CYTH3: variants seen among roughly 807,000 people sequenced by gnomAD.
CYTH3 encodes cytohesin-3.
Under a neutral mutation model 55.1 loss-of-function variants are expected in CYTH3, and 23 were observed. That is an observed-to-expected ratio of 0.42 (90% CI 0.30 to 0.59). The LOEUF is 0.59. Among genes scored for constraint, CYTH3 ranks in the 20% least tolerant of loss-of-function variants. CYTH3 has a pLI of 0.20. For synonymous variants in CYTH3, 249 were observed against 194.9 expected, an observed-to-expected ratio of 1.28 and a Z score of -2.31; for missense variants, 413 against 524.8, an observed-to-expected ratio of 0.79 and a Z score of 2.08.
At chr7:6,207,219 C>T (rs759906422) in intron 1 of CYTH3, among the ~76,000 whole-genome samples, 6 of 151,254 alleles carry the variant, frequency 4.0e-5, no homozygotes, top group South Asian at 2.1e-4. Flanking sequence ...CTCAGCCTCC[C>T]GAGTACCTGG....
At chr7:6,189,556 G>A (rs113238507) in intron 2 of CYTH3, among the ~76,000 whole-genome samples, 128 of 152,048 alleles carry the variant, frequency 8.4e-4, no homozygotes, top group African/African-American at 2.8e-3. Flanking sequence ...AGATCCTCCT[G>A]CCTTGGCCTC....
At chr7:6,183,436 C>T (rs1018639946) in intron 4 of CYTH3, among the ~76,000 whole-genome samples, 1 of 152,184 alleles carries the variant, frequency 6.6e-6, no homozygotes, top group Admixed American at 6.5e-5. Flanking sequence ...AAAGGAGAGG[C>T]TGCAGAGTGT....
intron 1 of CYTH3, among the ~76,000 whole-genome samples, chr7:6,254,747 C>T (rs568720436): frequency 2.0e-5 from 3 of 152,224 alleles, no homozygotes; most frequent in African/African-American, 4.8e-5. Context: ...ATCGCACCTG[C>T]CCATGTTTGT....
At chr7:6,165,984 C>A (rs1562872836) in intron 9 of CYTH3, among the ~76,000 whole-genome samples, 174 bp from the exon 10 acceptor site, 2 of 152,162 alleles carry the variant, frequency 1.3e-5, no homozygotes, top group Non-Finnish European at 2.9e-5. Flanking sequence ...TGCACCCACC[C>A]CGCCCACACC....
At chr7:6,219,418 G>A (rs1256640314) in intron 1 of CYTH3, among the ~76,000 whole-genome samples, 2 of 152,184 alleles carry the variant, frequency 1.3e-5, no homozygotes, top group African/African-American at 4.8e-5. Flanking sequence ...GAGCCTGCAT[G>A]GATTGCAAAA....
chr7:6,190,974 G>T (rs1783789039), intron 1 of CYTH3, among the ~76,000 whole-genome samples: 1 of 152,016 alleles, frequency 6.6e-6, no homozygotes, highest in African/African-American at 2.4e-5. Flanking sequence ...CTACTCGGGA[G>T]GCTGAGGCAG....
intron 1 of CYTH3, among the ~76,000 whole-genome samples, chr7:6,270,414 G>C (rs1348734885): frequency 2.6e-5 from 4 of 152,130 alleles, no homozygotes; most frequent in African/African-American, 9.7e-5. Context: ...CTTCATTGTT[G>C]AATGTTCCAG....
intron 1 of CYTH3, among the ~76,000 whole-genome samples, chr7:6,193,057 A>G (rs779992847): frequency 1.4e-4 from 21 of 152,144 alleles, no homozygotes; most frequent in Admixed American, 2.6e-4. Context: ...CTGTAATCCC[A>G]GTTACTGGGG....
intron 1 of CYTH3, among the ~76,000 whole-genome samples, chr7:6,257,121 T>G (rs1240426832): frequency 1.3e-5 from 2 of 152,134 alleles, no homozygotes; most frequent in Non-Finnish European, 2.9e-5. Flanking sequence ...TTTTTTTACA[T>G]AAGGCAATGA....
chr7:6,193,320 T>C (rs901191983), intron 1 of CYTH3, among the ~76,000 whole-genome samples: 1 of 149,134 alleles, frequency 6.7e-6, no homozygotes, highest in African/African-American at 2.5e-5. Context: ...TAGGTTGCAC[T>C]GAGCCAAGAT....
At chr7:6,190,370 G>GTT in intron 2 of CYTH3, 79 bp downstream of exon 2, 1 of 599,066 alleles carries the variant, frequency 1.7e-6, no homozygotes, top group Non-Finnish European at 2.3e-6. Context: ...TTACATTTTT[G>GTT]TGAGGCTACT....
intron 1 of CYTH3, among the ~76,000 whole-genome samples, chr7:6,263,477 C>T (rs1259936753): frequency 1.3e-5 from 2 of 152,152 alleles, no homozygotes; most frequent in Non-Finnish European, 2.9e-5. Context: ...GTTTGTAACA[C>T]CACCAGTGTA....
intron 1 of CYTH3, among the ~76,000 whole-genome samples, chr7:6,203,330 A>G (rs1031404297): frequency 7.2e-5 from 11 of 152,224 alleles, no homozygotes; most frequent in African/African-American, 1.9e-4. Context: ...TGACATTTAC[A>G]TATCATTGCC....
Position 6,170,695 on chromosome 7 carries a change from G to C in CYTH3, c.712-49C>G, listed in dbSNP as rs1467344417. The C allele has an allele frequency of 6.3e-7, 1 of 1,589,600 alleles. No homozygotes were observed. The highest frequency in any genetic ancestry group is 8.6e-7 in the Non-Finnish European group (1 of 1,166,332). On this transcript the variant is annotated intron_variant, in intron 8 of 12. Coordinates refer to ENST00000350796, the MANE Select transcript of CYTH3 (RefSeq NM_004227.4). The surrounding 1 kb of genome is among the most constrained non-coding windows in gnomAD (Gnocchi z 7.8). Reference sequence around the variant, plus strand: ...CAGTTCAGAGACTCGGAGGAAAATGGCTGGCCGGGCAGAAAGCTCAGCGGG... The same window carrying C: ...CAGTTCAGAGACTCGGAGGAAAATGCCTGGCCGGGCAGAAAGCTCAGCGGG...
intron 1 of CYTH3, among the ~76,000 whole-genome samples, chr7:6,191,202 C>T (rs975872470): frequency 6.6e-6 from 1 of 152,044 alleles, no homozygotes; most frequent in Admixed American, 6.6e-5. Context: ...AATCCCAGCA[C>T]TTTGGGACAC....
At chr7:6,239,639 G>A (rs1357467213) in intron 1 of CYTH3, among the ~76,000 whole-genome samples, 2 of 152,056 alleles carry the variant, frequency 1.3e-5, no homozygotes, top group African/African-American at 4.8e-5. Context: ...AATGAAAAAC[G>A]TTTCTAAAAA....
At position 6,219,234 on chromosome 7, in the gene CYTH3, T is replaced by A. The variant is rs117005121; in HGVS notation, c.35-28703A>T. ...ATAGCTGAATTATCTCCTACAACTG[T>A]GTGAAAAGCAGAACGTGTAAGTGAT... On this transcript the variant is annotated intron_variant, in intron 1 of 12. Coordinates refer to ENST00000350796, the MANE Select transcript of CYTH3 (RefSeq NM_004227.4). 1.9e-3 allele frequency among the ~76,000 whole-genome samples: 291 copies of A among 152,276 alleles called. No individual in the cohort carries two copies. In the East Asian group the frequency reaches 0.028, roughly 14 times the overall value.
At chr7:6,217,680 CCAT>C (rs1451632961) in intron 1 of CYTH3, among the ~76,000 whole-genome samples, 1 of 152,130 alleles carries the variant, frequency 6.6e-6, no homozygotes, top group Non-Finnish European at 1.5e-5. Flanking sequence ...CTCACCACCA[CCAT>C]CAACCAACAA....
rs1418931069 is a variant in CYTH3, at chr7:6,169,694, C to T, written c.823+841G>A. 6.6e-6 allele frequency among the ~76,000 whole-genome samples: 1 copy of T among 152,186 alleles called. No individual in the cohort carries two copies. Among genetic ancestry groups the T allele is most frequent in the Non-Finnish European group, 1.5e-5 (1 of 68,036 alleles). On this transcript the variant is annotated intron_variant, in intron 9 of 12. Coordinates refer to ENST00000350796, the MANE Select transcript of CYTH3 (RefSeq NM_004227.4). The surrounding 1 kb of genome is among the most constrained non-coding windows in gnomAD (Gnocchi z 4.1). Reference sequence around the variant, plus strand: ...AACCCCTCAGCATTTCTAAAACTGCCCGTAATTGCCCTAAATTGCTCCAAA... The same window carrying T: ...AACCCCTCAGCATTTCTAAAACTGCTCGTAATTGCCCTAAATTGCTCCAAA...
Sources: allele counts gnomAD v4.1 joint callset (sites outside exome capture counted in the v4.1 genomes callset), GRCh38; gene constraint gnomAD v4.1.1; non-coding constraint Gnocchi (gnomAD v3.1); transcripts MANE v1.5; gene names NCBI Gene and HGNC (gene_info 2026-07-23, HGNC 2026-07-21).